The following IRF2 variants were observed in gnomAD, a reference collection of about 807,000 sequenced individuals.
IRF2 encodes interferon regulatory factor 2.
Under a neutral mutation model 40.6 loss-of-function variants are expected in IRF2, and 15 were observed. The observed-to-expected ratio is 0.37, with a 90% CI of 0.25 to 0.57. IRF2 has a LOEUF of 0.57. Among genes scored for constraint, IRF2 ranks in the 20% least tolerant of loss-of-function variants. The pLI is 0.77. For missense variants in IRF2, 317 were observed against 455.7 expected, an observed-to-expected ratio of 0.70 and a Z score of 2.77; for synonymous variants, 151 against 165.5, an observed-to-expected ratio of 0.91 and a Z score of 0.67.
intron 1 of IRF2, among the ~76,000 whole-genome samples, chr4:184,444,808 C>T (rs1442553956): frequency 6.6e-6 from 1 of 152,240 alleles, no homozygotes; most frequent in African/African-American, 2.4e-5. Context: ...TCTGGAATTT[C>T]CCATTTAATA....
chr4:184,449,816 C>T (rs557061801), intron 1 of IRF2, among the ~76,000 whole-genome samples: 8 of 152,168 alleles, frequency 5.3e-5, no homozygotes, highest in Non-Finnish European at 7.3e-5. Context: ...ACCAACACTG[C>T]GCTGGCCGTT....
chr4:184,473,268 G>A (rs1739586202), intron 1 of IRF2, among the ~76,000 whole-genome samples: 1 of 149,764 alleles, frequency 6.7e-6, no homozygotes, highest in South Asian at 2.1e-4. Context: ...CCCGCGCCCC[G>A]GGACCCCGAG....
chr4:184,402,683 C>T (rs998898869), intron 6 of IRF2, among the ~76,000 whole-genome samples: 2 of 152,100 alleles, frequency 1.3e-5, no homozygotes, highest in African/African-American at 2.4e-5. Flanking sequence ...TCTGCAAATA[C>T]GGGACGTGAC....
intron 1 of IRF2, among the ~76,000 whole-genome samples, chr4:184,468,494 G>GA (rs11407797): frequency 0.54 from 81,888 of 150,604 alleles, 22,474 homozygotes; most frequent in Middle Eastern, 0.59. Context: ...TCTCAAAAAA[G>GA]AAAAAAAAAG....
chr4:184,404,327 C>G (rs1011555772), intron 6 of IRF2, among the ~76,000 whole-genome samples: 2 of 152,126 alleles, frequency 1.3e-5, no homozygotes, highest in African/African-American at 2.4e-5. Flanking sequence ...TTCACACCAG[C>G]CTTGATGACA....
In IRF2 at chr4:184,388,436, C is replaced by T. The variant is rs921933010; in HGVS notation, c.*322G>A. On this transcript the variant is annotated 3_prime_UTR_variant, in exon 9 of 9. Coordinates refer to ENST00000393593, the MANE Select transcript of IRF2 (RefSeq NM_002199.4). This position sits in a 1 kb window ranked among gnomAD's most constrained non-coding sequence, Gnocchi z 4.6. ...TCCAGCTAGTTCACATTATCTCGTCCGTTCTGAGGCATCCACTCCACCTTG... is the reference window on the plus strand; with the variant it reads ...TCCAGCTAGTTCACATTATCTCGTCTGTTCTGAGGCATCCACTCCACCTTG... 3.1e-5 allele frequency: 10 copies of T among 319,876 alleles called. No homozygotes were observed. Among genetic ancestry groups the T allele is most frequent in the Non-Finnish European group, 5.1e-5 (9 of 175,210 alleles). 19.8% of individuals were successfully genotyped at this position (319,876 alleles called of 1,614,324 possible).
At chr4:184,453,500 A>G (rs187513852) in intron 1 of IRF2, among the ~76,000 whole-genome samples, 2 of 152,382 alleles carry the variant, frequency 1.3e-5, no homozygotes, top group Admixed American at 6.5e-5. Flanking sequence ...TCCTCTGAGC[A>G]CTGCCTTTGC....
At chr4:184,473,434 C>T (rs1187309505) in intron 1 of IRF2, among the ~76,000 whole-genome samples, 1 of 147,524 alleles carries the variant, frequency 6.8e-6, no homozygotes, top group East Asian at 2.0e-4. Context: ...GCGGCCCGGG[C>T]GGCTGACCCC....
intron 1 of IRF2, among the ~76,000 whole-genome samples, chr4:184,453,849 T>C (rs1330156459): frequency 6.6e-6 from 1 of 152,144 alleles, no homozygotes; most frequent in African/African-American, 2.4e-5. Flanking sequence ...AAAGGTGTGT[T>C]TTGCCCCTTC....
chr4:184,419,452 G>C lies in IRF2; in HGVS notation c.187+17C>G, dbSNP rs140738209. 3 of 1,506,106 alleles carry C rather than the reference G, an allele frequency of 2.0e-6. No individual in the cohort carries two copies. The African/African-American group carries it at 4.1e-5, about 21-fold the overall frequency. The allele number at this position is 1,506,106 out of a possible 1,614,324, so 93.3% of individuals were successfully genotyped here. On this transcript the variant is annotated intron_variant, in intron 3 of 8. Coordinates refer to ENST00000393593, the MANE Select transcript of IRF2 (RefSeq NM_002199.4). ...AAGAGTGCCTTCCTCTATAAACGCC[G>C]CAGGGAGTTTTAGTACCTGTATGGA...
rs111792891 is a variant in IRF2 at position 184,405,141 on chromosome 4, G to A, written c.529+3017C>T. Among the ~76,000 whole-genome samples, 634 of 152,338 alleles carry A rather than the reference G, an allele frequency of 4.2e-3. 10 individuals are homozygous for A. The highest frequency in any genetic ancestry group is 0.014 in the African/African-American group (592 of 41,586). On this transcript the variant is annotated intron_variant, in intron 6 of 8. Transcript: ENST00000393593. ...TCCCTGTAATCCCAGCTACTTGGGA[G>A]GCTGAGGCAGGAGAATCGCTTGAAC...
chr4:184,395,574 A>G (rs949582344), intron 7 of IRF2, among the ~76,000 whole-genome samples: 2 of 152,230 alleles, frequency 1.3e-5, no homozygotes, highest in Admixed American at 6.5e-5. Context: ...CTTTCCTGAC[A>G]GCATGTTATA....
intron 1 of IRF2, among the ~76,000 whole-genome samples, chr4:184,458,661 T>C (rs546551428): frequency 1.2e-4 from 19 of 152,352 alleles, no homozygotes; most frequent in African/African-American, 3.8e-4. Flanking sequence ...GTTTCTCACA[T>C]ATATTATGCA....
rs897608724 is a variant in IRF2 at position 184,429,102 on chromosome 4, G to C, written c.-6-32C>G. 4 of 1,562,816 alleles carry C rather than the reference G, an allele frequency of 2.6e-6. No individual in the cohort carries two copies. In the African/African-American group the frequency reaches 5.4e-5, roughly 21 times the overall value. Reference sequence around the variant, plus strand: ...GGAGAGAAACACAGCGTCAGGCGTTGGTGCCACTCAGTGTGGTGTCTGCAC... The same window carrying C: ...GGAGAGAAACACAGCGTCAGGCGTTCGTGCCACTCAGTGTGGTGTCTGCAC... On this transcript the variant is annotated intron_variant, in intron 1 of 8. Transcript: ENST00000393593.
chr4:184,389,646 T>C (rs1561078579), intron 8 of IRF2, among the ~76,000 whole-genome samples: 1 of 152,148 alleles, frequency 6.6e-6, no homozygotes, highest in Non-Finnish European at 1.5e-5. Flanking sequence ...CCAGAAATAC[T>C]TTCCAGACTA....
Position 184,388,676 on chromosome 4 carries a change from G to T in IRF2, c.*82C>A. On this transcript the variant is annotated 3_prime_UTR_variant, in exon 9 of 9. Coordinates refer to ENST00000393593, the MANE Select transcript of IRF2 (RefSeq NM_002199.4). This position sits in a 1 kb window ranked among gnomAD's most constrained non-coding sequence, Gnocchi z 4.6. ...TCCCTTAGATTTGTCTAAAATAGGT[G>T]TCAGAGAGAAAAAAATAAAATACAA... 7.1e-7 allele frequency: 1 copy of T among 1,400,200 alleles called. No individual in the cohort carries two copies. Among genetic ancestry groups the T allele is most frequent in the Non-Finnish European group, 9.8e-7 (1 of 1,019,188 alleles). The allele number at this position is 1,400,200 out of a possible 1,614,324, so 86.7% of individuals were successfully genotyped here.
intron 7 of IRF2, 28 bp from the exon 8 acceptor site, chr4:184,390,777 C>T (rs1162134041): frequency 6.2e-7 from 1 of 1,613,436 alleles, no homozygotes; most frequent in Non-Finnish European, 8.5e-7. Flanking sequence ...AACACAGGGC[C>T]ATCATTCCTG....
At chr4:184,429,566 C>T (rs1009813782) in intron 1 of IRF2, among the ~76,000 whole-genome samples, 6 of 152,106 alleles carry the variant, frequency 3.9e-5, no homozygotes, top group African/African-American at 7.2e-5. Flanking sequence ...ATTTAAAGCT[C>T]GAAAGGAATC....
chr4:184,398,669 AT>A (rs774211439), intron 7 of IRF2, among the ~76,000 whole-genome samples: 154 of 143,576 alleles, frequency 1.1e-3, no homozygotes, highest in African/African-American at 3.3e-3. Flanking sequence ...AAAAAAAAAA[AT>A]AAATAAATAA....
Sources: allele counts gnomAD v4.1 joint callset (sites outside exome capture counted in the v4.1 genomes callset), GRCh38; gene constraint gnomAD v4.1.1; non-coding constraint Gnocchi (gnomAD v3.1); transcripts MANE v1.5; gene names NCBI Gene and HGNC (gene_info 2026-07-23, HGNC 2026-07-21).